Variants in SPTAN1 observed in about 807,000 individuals in gnomAD.
SPTAN1 encodes spectrin alpha, non-erythrocytic 1.
Under a neutral mutation model 331.3 loss-of-function variants are expected in SPTAN1, and 61 were observed. The observed-to-expected ratio is 0.18, with a 90% CI of 0.15 to 0.23. SPTAN1 has a LOEUF of 0.23. Ranked by LOEUF, SPTAN1 falls within the 10% of genes least tolerant of loss-of-function variation. SPTAN1 has a pLI of 1.00. For synonymous variants in SPTAN1, 1,153 were observed against 1,173.9 expected, an observed-to-expected ratio of 0.98 and a Z score of 0.36; for missense variants, 2,043 against 3,147.9, an observed-to-expected ratio of 0.65 and a Z score of 8.40.
At chr9:128,607,187 A>T (rs1856005724) in intron 31 of SPTAN1, among the ~76,000 whole-genome samples, 4 of 150,396 alleles carry the variant, frequency 2.7e-5, no homozygotes, top group South Asian at 4.2e-4. Flanking sequence ...TTTTTTTTTT[A>T]GAGACAGGGT....
In SPTAN1 at chr9:128,582,746, A is replaced by G; in HGVS notation, c.1703A>G (p.Gln568Arg). 1 of 1,614,078 alleles carries G rather than the reference A, an allele frequency of 6.2e-7. No homozygotes were observed. The highest frequency in any genetic ancestry group is 8.5e-7 in the Non-Finnish European group (1 of 1,180,030). ...LHERAMRRRA[Q>R]LADSFHLQQF... ...GAGAGAGCCATGCGTCGCCGGGCCC[A>G]GCTAGCCGATTCTTTCCATCTGCAG... The change falls in exon 14 of 57, where the codon CAG (glutamine) becomes CGG (arginine). Residue 568 changes from glutamine to arginine, a missense_variant. Gln to Arg is a conservative substitution (Grantham distance 43). Around this residue, in one of 12 missense-constraint regions of SPTAN1, gnomAD observed 1,038 missense variants for 1,531.5 expected, o/e 0.68. Coordinates refer to ENST00000372739, the MANE Select transcript of SPTAN1 (RefSeq NM_001130438.3).
At chr9:128,579,946 G>T (rs984101662) in intron 10 of SPTAN1, among the ~76,000 whole-genome samples, 1 of 152,154 alleles carries the variant, frequency 6.6e-6, no homozygotes. Context: ...GGCATGTGTG[G>T]CATGTTTCCT....
rs190171359 is a variant in SPTAN1 at position 128,626,341 on chromosome 9, G to A, written c.6280-50G>A. The stretch of plus-strand genomic sequence containing the variant: ...CGCACCCCACCTCCTGCACTGCGTC[G>A]GCACGTCCAGCCCTGGCGACTCCGC... On this transcript the variant is annotated intron_variant, in intron 48 of 56. Transcript: ENST00000372739. 1.4e-5 allele frequency: 22 copies of A among 1,606,740 alleles called. 1 individual carries two copies. Among genetic ancestry groups the A allele is most frequent in the Middle Eastern group, 2.1e-4 (1 of 4,814 alleles).
In SPTAN1 at chr9:128,571,311, A is replaced by G. The variant is rs559283575; in HGVS notation, c.363+2414A>G. Among the ~76,000 whole-genome samples the G allele has an allele frequency of 6.0e-5, 9 of 150,598 alleles. No homozygotes were observed. The South Asian group carries it at 1.9e-3, about 32-fold the overall frequency. On this transcript the variant is annotated intron_variant, in intron 3 of 56. Transcript: ENST00000372739. ...AAAAAGAAAAAAAAAAAGGCCAGGC[A>G]CAGTGGCTCATGCCTGTAATCCTAG...
rs11429372 is a variant in SPTAN1 at position 128,581,474 on chromosome 9, C to CA, written c.1462-294dup. ...TGCAACAGACCGAGATCCTGTCTCA[C>CA]AAAAAAAAAAAAAACAAACAAAAAA... On this transcript the variant is annotated intron_variant, in intron 11 of 56. Coordinates refer to ENST00000372739, the MANE Select transcript of SPTAN1 (RefSeq NM_001130438.3). Among the ~76,000 whole-genome samples the CA allele has an allele frequency of 0.89, 118,685 of 133,534 alleles. 53,284 individuals are homozygous for CA. Among genetic ancestry groups the CA allele is most frequent in the Non-Finnish European group, 0.96 (61,538 of 63,792 alleles). 87.6% of individuals were successfully genotyped at this position (133,534 alleles called of 152,430 possible).
chr9:128,594,457 G>A (rs1372885899), intron 24 of SPTAN1, 84 bp downstream of exon 24: 40 of 947,538 alleles, frequency 4.2e-5, no homozygotes, highest in Non-Finnish European at 5.7e-5. Context: ...TTTTGAGATG[G>A]ATTCTCACTG....
At position 128,630,292 on chromosome 9, in the gene SPTAN1, C is replaced by A. The variant is rs1272423330; in HGVS notation, c.6708-29C>A. 1.9e-6 allele frequency: 3 copies of A among 1,613,476 alleles called. No homozygotes were observed. In the South Asian group the frequency reaches 3.3e-5, roughly 18 times the overall value. Reference sequence around the variant, plus strand: ...AGCTCTCGGCCAGCTGGGAGCAGGCCCCTTTCCTCACTGTCCTTCCACGTT... The same window carrying A: ...AGCTCTCGGCCAGCTGGGAGCAGGCACCTTTCCTCACTGTCCTTCCACGTT... On this transcript the variant is annotated intron_variant, in intron 51 of 56. Transcript: ENST00000372739.
intron 40 of SPTAN1, 23 bp from the exon 41 acceptor site, chr9:128,615,609 C>A (rs1166009037): frequency 6.2e-7 from 1 of 1,613,198 alleles, no homozygotes; most frequent in Admixed American, 1.7e-5. Context: ...CAGTTTCTGA[C>A]CCTCTTATGT....
At chr9:128,569,982 C>T (rs1044799650) in intron 3 of SPTAN1, among the ~76,000 whole-genome samples, 1 of 152,088 alleles carries the variant, frequency 6.6e-6, no homozygotes, top group Non-Finnish European at 1.5e-5. Context: ...TTCCAAATGT[C>T]ATATGACTAA....
In SPTAN1 at chr9:128,583,206, A is replaced by G. The variant is rs903037131; in HGVS notation, c.1936A>G (p.Lys646Glu). 18 of 1,614,014 alleles carry G rather than the reference A, an allele frequency of 1.1e-5. No homozygotes were observed. Among genetic ancestry groups the G allele is most frequent in the African/African-American group, 2.7e-5 (2 of 74,940 alleles). Residue 646 changes from lysine (K) to glutamate (E), a missense_variant, in exon 15 of 57, where the codon AAG becomes GAG. Coordinates refer to ENST00000372739, the MANE Select transcript of SPTAN1 (RefSeq NM_001130438.3). Reference protein sequence around the residue: ...QKLIDVNHYAKDEVAARMNEV... With the variant: ...QKLIDVNHYAEDEVAARMNEV... ...GCTGATTGATGTCAACCACTATGCC[A>G]AGGATGAAGTGGCAGCTCGTATGAA...
At chr9:128,598,639 G>A in intron 25 of SPTAN1, 135 bp downstream of exon 25, 1 of 804,048 alleles carries the variant, frequency 1.2e-6, no homozygotes, top group South Asian at 1.5e-5. Context: ...GGTCCTCTAT[G>A]TGACCAAAAC....
intron 43 of SPTAN1, among the ~76,000 whole-genome samples, chr9:128,618,529 G>A (rs1169440227): frequency 6.6e-6 from 1 of 151,962 alleles, no homozygotes; most frequent in Non-Finnish European, 1.5e-5. Context: ...TGTCACCCAG[G>A]CTGGAGTGCA....
At chr9:128,571,595 A>G (rs1213812214) in intron 3 of SPTAN1, among the ~76,000 whole-genome samples, 3 of 152,184 alleles carry the variant, frequency 2.0e-5, no homozygotes, top group African/African-American at 4.8e-5. Flanking sequence ...GAAAAAAGTA[A>G]AAAAATAAAA....
At chr9:128,603,422 A>T in intron 27 of SPTAN1, 121 bp from the exon 28 acceptor site, 1 of 1,019,084 alleles carries the variant, frequency 9.8e-7, no homozygotes, top group South Asian at 1.3e-5. Context: ...AAGAATGTTG[A>T]CAGTATCCCT....
intron 19 of SPTAN1, among the ~76,000 whole-genome samples, chr9:128,587,166 G>A (rs4837285): frequency 0.97 from 147,246 of 152,194 alleles, 71,405 homozygotes; most frequent in Non-Finnish European, 1. Context: ...ACTCCCTACA[G>A]CTTTGACCTC....
At chr9:128,618,258 C>T (rs1177121406) in intron 43 of SPTAN1, 150 bp downstream of exon 43, 2 of 1,150,934 alleles carry the variant, frequency 1.7e-6, no homozygotes, top group Middle Eastern at 2.8e-4. Flanking sequence ...CCAGAGCCAC[C>T]TCCTACAGGC....
rs1199623577 is a variant in SPTAN1, at chr9:128,609,131, T to C, written c.4605T>C (p.Arg1535=). 5.0e-6 allele frequency: 8 copies of C among 1,614,042 alleles called. No individual in the cohort carries two copies. In the African/African-American group the frequency reaches 5.3e-5, roughly 11 times the overall value. ...RRNEVLDRWR[R]LKAQMIEKRS... ...GGTTTCACTCTTTCAGGTGGCGACG[T>C]CTGAAAGCCCAGATGATTGAGAAAA... Residue 1535 remains arginine, a synonymous_variant, in exon 36 of 57, where the codon CGT becomes CGC. Coordinates refer to ENST00000372739, the MANE Select transcript of SPTAN1 (RefSeq NM_001130438.3).
intron 1 of SPTAN1, among the ~76,000 whole-genome samples, chr9:128,560,138 C>T (rs570322773): frequency 1.5e-4 from 22 of 143,798 alleles, no homozygotes; most frequent in Admixed American, 3.6e-4. Context: ...GGCTGGAGTG[C>T]AAAGGCGTGA....
rs1554756903 is a variant in SPTAN1, at chr9:128,606,380, A to AAAAAAAC, written c.4046+909_4046+910insCAAAAAA. Among the ~76,000 whole-genome samples the AAAAAAAC allele has an allele frequency of 3.5e-5, 5 of 142,696 alleles. No individual in the cohort carries two copies. In the East Asian group the frequency reaches 7.8e-4, roughly 22 times the overall value. The allele number at this position is 142,696 out of a possible 152,430, so 93.6% of individuals were successfully genotyped here. ...ATGGAGCAAGACTCTGCCTCAAAAAAAAAAAAAAAAAACAAGTCTCTACTT... is the reference window on the plus strand; with the variant it reads ...ATGGAGCAAGACTCTGCCTCAAAAAAAAAAAACAAAAAAAAAAAACAAGTCTCTACTT... On this transcript the variant is annotated intron_variant, in intron 31 of 56. Transcript: ENST00000372739.
Sources: allele counts gnomAD v4.1 joint callset (sites outside exome capture counted in the v4.1 genomes callset), GRCh38; gene constraint gnomAD v4.1.1; regional missense constraint gnomAD v4.1.1; transcripts MANE v1.5; gene names NCBI Gene and HGNC (gene_info 2026-07-23, HGNC 2026-07-21).